Variants in APP observed in about 807,000 individuals in gnomAD.
APP encodes amyloid beta precursor protein.
A neutral mutation model predicts 101.4 loss-of-function variants in APP; 31 were observed. That is an observed-to-expected ratio of 0.31 (90% confidence interval 0.23 to 0.41). The LOEUF is 0.41. APP is among the 10% of genes least tolerant of loss of function. The pLI is 1.00. For synonymous variants in APP, 366 were observed against 364.4 expected, an observed-to-expected ratio of 1.00 and a Z score of -0.05; for missense variants, 839 against 1,003.7, an observed-to-expected ratio of 0.84 and a Z score of 2.22.
At chr21:26,147,745 T>A (rs2063181910) in intron 1 of APP, among the ~76,000 whole-genome samples, 1 of 151,936 alleles carries the variant, frequency 6.6e-6, no homozygotes, top group Non-Finnish European at 1.5e-5. Flanking sequence ...AGGATGTGGG[T>A]GTGATAGGAT....
chr21:25,898,210 T>G (rs1601325837), intron 15 of APP, among the ~76,000 whole-genome samples: 1 of 152,238 alleles, frequency 6.6e-6, no homozygotes, highest in Admixed American at 6.5e-5. Flanking sequence ...ATAATTTTAG[T>G]CAAGTGTTCT....
chr21:26,135,287 G>A (rs1180741919), intron 1 of APP, among the ~76,000 whole-genome samples: 4 of 152,154 alleles, frequency 2.6e-5, no homozygotes, highest in African/African-American at 9.7e-5. Context: ...CGAAATTCAA[G>A]ACATCTCCAA....
intron 1 of APP, among the ~76,000 whole-genome samples, chr21:26,136,191 A>AAGGAAGGAG (rs1369945640): frequency 2.1e-4 from 16 of 77,392 alleles, no homozygotes; most frequent in Admixed American, 4.2e-4. Flanking sequence ...GAAAGAAAGA[A>AAGGAAGGAG]AGAAAGAAAG....
At chr21:25,919,945 A>G (rs1377647898) in intron 13 of APP, among the ~76,000 whole-genome samples, 2 of 117,198 alleles carry the variant, frequency 1.7e-5, no homozygotes, top group Non-Finnish European at 3.4e-5. Flanking sequence ...CAAAGTTGAA[A>G]TGAAGGAAAA....
chr21:25,961,229 T>TC (rs1279569645), intron 11 of APP, among the ~76,000 whole-genome samples: 1 of 152,136 alleles, frequency 6.6e-6, no homozygotes, highest in Admixed American at 6.5e-5. Flanking sequence ...TTTCAAGCTG[T>TC]CTCGCCTTTC....
At chr21:26,125,747 G>A (rs893786613) in intron 1 of APP, among the ~76,000 whole-genome samples, 3 of 152,206 alleles carry the variant, frequency 2.0e-5, no homozygotes, top group Non-Finnish European at 4.4e-5. Flanking sequence ...ATTCTGTCTA[G>A]CCCCACATCA....
chr21:26,043,775 T>C (rs1261809949), intron 5 of APP, among the ~76,000 whole-genome samples: 2 of 90 alleles, frequency 0.022, no homozygotes, highest in Non-Finnish European at 0.026. Context: ...TAGAATACCA[T>C]CAGGTCTTGG....
intron 6 of APP, among the ~76,000 whole-genome samples, chr21:26,017,409 CAAAA>C (rs373376674): frequency 3.6e-5 from 4 of 111,106 alleles, no homozygotes; most frequent in African/African-American, 1.4e-4. Flanking sequence ...AATCCCGTGT[CAAAA>C]AAAAAAAAAA....
intron 13 of APP, among the ~76,000 whole-genome samples, chr21:25,950,336 G>A (rs116672428): frequency 0.015 from 2,237 of 150,530 alleles, 43 homozygotes; most frequent in African/African-American, 0.051. Flanking sequence ...CTTGAAAGGT[G>A]CAACTTTTCA....
chr21:26,098,145 G>A (rs184128978), intron 2 of APP, among the ~76,000 whole-genome samples: 1 of 147,492 alleles, frequency 6.8e-6, no homozygotes, highest in Non-Finnish European at 1.5e-5. Context: ...CCAGGAAAGA[G>A]GGGGAATAGA....
At chr21:26,030,300 A>G (rs558475909) in intron 5 of APP, among the ~76,000 whole-genome samples, 1 of 152,360 alleles carries the variant, frequency 6.6e-6, no homozygotes, top group Non-Finnish European at 1.5e-5. Context: ...TGTGAAATGC[A>G]TAACCTGTGA....
At chr21:26,136,751 A>AG (rs971293238) in intron 1 of APP, among the ~76,000 whole-genome samples, 27 of 150,356 alleles carry the variant, frequency 1.8e-4, no homozygotes, top group Admixed American at 4.7e-4. Flanking sequence ...TAGAAGAAGA[A>AG]AAAAAAAAAG....
intron 13 of APP, among the ~76,000 whole-genome samples, chr21:25,946,129 G>A (rs1341640723): frequency 6.6e-6 from 1 of 152,074 alleles, no homozygotes; most frequent in African/African-American, 2.4e-5. Context: ...ACTCTTAGAA[G>A]GTAACAGGTA....
chr21:26,044,442 T>C (rs2146878590), intron 5 of APP, among the ~76,000 whole-genome samples: 1 of 152,342 alleles, frequency 6.6e-6, no homozygotes, highest in Non-Finnish European at 1.5e-5. Context: ...ATGAAATTGA[T>C]CACGTAAGTA....
At chr21:26,151,788 T>G (rs2063275586) in intron 1 of APP, among the ~76,000 whole-genome samples, 1 of 152,142 alleles carries the variant, frequency 6.6e-6, no homozygotes, top group South Asian at 2.1e-4. Context: ...CACCCATTGC[T>G]CACCTACTGC....
intron 1 of APP, among the ~76,000 whole-genome samples, chr21:26,145,143 C>T (rs1411962605): frequency 4.6e-5 from 7 of 152,144 alleles, no homozygotes; most frequent in African/African-American, 1.7e-4. Flanking sequence ...CTGGGGAGAA[C>T]TATCAAAAGC....
At chr21:25,912,980 T>C (rs766672532) in intron 13 of APP, among the ~76,000 whole-genome samples, 43 of 152,224 alleles carry the variant, frequency 2.8e-4, no homozygotes, top group Admixed American at 2.0e-4. Flanking sequence ...ACAATAATAT[T>C]TGATTAACCA....
intron 5 of APP, among the ~76,000 whole-genome samples, chr21:26,025,291 A>G (rs2830012): frequency 0.57 from 86,031 of 152,078 alleles, 26,547 homozygotes; most frequent in Middle Eastern, 0.72. Context: ...GTCATCAGTT[A>G]ATTTACCGTG....
intron 6 of APP, among the ~76,000 whole-genome samples, chr21:26,004,031 G>C (rs1310040138): frequency 6.6e-6 from 1 of 152,168 alleles, no homozygotes; most frequent in Non-Finnish European, 1.5e-5. Context: ...GTAGAAAAGA[G>C]AATCTTAGCC....
Sources: allele counts gnomAD v4.1 joint callset (sites outside exome capture counted in the v4.1 genomes callset), GRCh38; gene constraint gnomAD v4.1.1; transcripts MANE v1.5; gene names NCBI Gene and HGNC (gene_info 2026-07-23, HGNC 2026-07-21).